The following SEMA3A variants were observed in gnomAD, a reference collection of about 807,000 sequenced individuals.
The protein encoded by SEMA3A is semaphorin 3A.
Under a neutral mutation model 97.9 loss-of-function variants are expected in SEMA3A, and 29 were observed. The observed-to-expected ratio is 0.30, with a 90% CI of 0.22 to 0.40. The LOEUF (loss-of-function observed/expected upper bound fraction) is 0.40. SEMA3A is among the 10% of genes least tolerant of loss of function. The probability of loss-of-function intolerance (pLI) is 1.00; values close to 1 mark genes in which losing one functional copy is unlikely to be tolerated. For missense variants in SEMA3A, 763 were observed against 951.3 expected (o/e 0.80, Z 2.60); for synonymous variants, 321 against 323.7 (o/e 0.99, Z 0.09).
intron 2 of SEMA3A, among the ~76,000 whole-genome samples, chr7:84,322,406 C>T (rs1261155776): frequency 6.6e-6 from 1 of 152,068 alleles, no homozygotes; most frequent in African/African-American, 2.4e-5. Context: ...GGCTATGTCC[C>T]CAACCAAATC....
intron 1 of SEMA3A, among the ~76,000 whole-genome samples, chr7:84,465,153 T>G (rs1472869373): frequency 2.0e-5 from 3 of 152,200 alleles, no homozygotes. Flanking sequence ...ACCTAAATTT[T>G]TCTAGTATCA....
Position 84,438,026 on chromosome 7 carries a change from C to A in SEMA3A, c.-246+54434G>T, listed in dbSNP as rs546601763. Among the ~76,000 whole-genome samples the A allele has an allele frequency of 2.6e-5, 4 of 152,096 alleles. No individual in the cohort carries two copies. The South Asian group carries it at 8.3e-4, about 31-fold the overall frequency. On this transcript the variant is annotated intron_variant, in intron 1 of 3. Coordinates refer to the SEMA3A transcript ENST00000424555. Reference sequence around the variant, plus strand: ...TGAAAGAAAGTCTTTGTGAACCAAGCAATCTATCCAGAAAAGAGCTAGAGA... The same window carrying A: ...TGAAAGAAAGTCTTTGTGAACCAAGAAATCTATCCAGAAAAGAGCTAGAGA...
intron 2 of SEMA3A, among the ~76,000 whole-genome samples, chr7:84,322,635 T>G (rs1168834805): frequency 6.6e-6 from 1 of 152,144 alleles, no homozygotes; most frequent in Non-Finnish European, 1.5e-5. Context: ...CTGCCATGAT[T>G]GTGAGGCCTC....
At chr7:84,415,947 T>A (rs1804421295) in intron 1 of SEMA3A, among the ~76,000 whole-genome samples, 1 of 152,116 alleles carries the variant, frequency 6.6e-6, no homozygotes. Flanking sequence ...ACCAAAATTA[T>A]CAATCATATA....
chr7:84,330,333 G>C (rs1036057140), intron 2 of SEMA3A, among the ~76,000 whole-genome samples: 6 of 151,940 alleles, frequency 3.9e-5, no homozygotes, highest in African/African-American at 1.4e-4. Flanking sequence ...TAAAGTATGG[G>C]TGAGAAAAAT....
intron 5 of SEMA3A, among the ~76,000 whole-genome samples, chr7:84,060,258 T>C (rs190070991): frequency 7.9e-5 from 12 of 152,312 alleles, no homozygotes; most frequent in Admixed American, 7.2e-4. Flanking sequence ...TCCATTTCCA[T>C]TAAAAAGAAT....
Sources: allele counts gnomAD v4.1 joint callset (sites outside exome capture counted in the v4.1 genomes callset), GRCh38; gene constraint gnomAD v4.1.1; transcripts MANE v1.5; gene names NCBI Gene and HGNC (gene_info 2026-07-23, HGNC 2026-07-21).